THSD4: variants seen among roughly 807,000 people sequenced by gnomAD.
THSD4 encodes the protein thrombospondin type 1 domain containing 4.
THSD4 carries 69 observed loss-of-function variants against 119.0 expected under a neutral mutation model. The observed-to-expected ratio is 0.58, with a 90% CI of 0.48 to 0.71. THSD4 has a LOEUF of 0.71. Among genes scored for constraint, THSD4 ranks in the 30% least tolerant of loss-of-function variants. THSD4 has a pLI of 0.00. For synonymous variants in THSD4, 524 were observed against 540.4 expected, an observed-to-expected ratio of 0.97 and a Z score of 0.42; for missense variants, 1,393 against 1,391.1, an observed-to-expected ratio of 1.00 and a Z score of -0.02.
Position 71,314,409 on chromosome 15 carries a change from C to T in THSD4, c.1015+57694C>T, listed in dbSNP as rs199527115. 7.2e-5 allele frequency among the ~76,000 whole-genome samples: 11 copies of T among 152,166 alleles called. No individual in the cohort carries two copies. In the East Asian group the frequency reaches 7.7e-4, roughly 11 times the overall value. On this transcript the variant is annotated intron_variant, in intron 6 of 17. Transcript: ENST00000261862. Reference sequence around the variant, plus strand: ...GCAACCTCTGACTCCTGGGTCCAAGCGATTCTCCTGCCTCAGCCTCCCAGG... The same window carrying T: ...GCAACCTCTGACTCCTGGGTCCAAGTGATTCTCCTGCCTCAGCCTCCCAGG...
At chr15:71,568,861 A>G (rs909166345) in intron 7 of THSD4, among the ~76,000 whole-genome samples, 2 of 152,092 alleles carry the variant, frequency 1.3e-5, no homozygotes, top group Non-Finnish European at 2.9e-5. Flanking sequence ...TGTCCTTGCT[A>G]TAGTTTGCTG....
In THSD4 at chr15:71,782,166, A is replaced by T. The variant is rs12594531; in HGVS notation, c.*4792A>T. ...CATCACTCTTTCTCAGCTCGACTGG[A>T]GTTTCTGCACCTTTGCAGGGGCAAA... On this transcript the variant is annotated 3_prime_UTR_variant, in exon 18 of 18. Coordinates refer to ENST00000261862, the MANE Select transcript of THSD4 (RefSeq NM_024817.3). The T allele has an allele frequency of 6.6e-6, 1 of 151,872 alleles. No homozygotes were observed. The highest frequency in any genetic ancestry group is 1.5e-5 in the Non-Finnish European group (1 of 68,026). 9.4% of individuals were successfully genotyped at this position (151,872 alleles called of 1,614,324 possible).
At chr15:71,673,750 C>A (rs2051580687) in intron 8 of THSD4, among the ~76,000 whole-genome samples, 1 of 152,172 alleles carries the variant, frequency 6.6e-6, no homozygotes, top group African/African-American at 2.4e-5. Flanking sequence ...GTTATGTACC[C>A]AGTAGTCATT....
intron 5 of THSD4, among the ~76,000 whole-genome samples, chr15:71,247,287 G>A (rs2044213066): frequency 6.6e-6 from 1 of 152,142 alleles, no homozygotes; most frequent in Non-Finnish European, 1.5e-5. Context: ...CAGTGGCGCA[G>A]TCTTTTAAAC....
At chr15:71,337,230 A>T (rs6494906) in intron 6 of THSD4, among the ~76,000 whole-genome samples, 4 of 152,002 alleles carry the variant, frequency 2.6e-5, no homozygotes, top group Admixed American at 6.5e-5. Context: ...TAGTGGCTGC[A>T]GCAGCCAGGC....
intron 8 of THSD4, among the ~76,000 whole-genome samples, chr15:71,703,912 C>T (rs558319466): frequency 9.2e-5 from 14 of 152,144 alleles, no homozygotes; most frequent in African/African-American, 1.7e-4. Context: ...TGCAGTGGCG[C>T]GATCTCTGCT....
At chr15:71,452,085 C>T (rs931174953) in intron 7 of THSD4, among the ~76,000 whole-genome samples, 2 of 152,196 alleles carry the variant, frequency 1.3e-5, no homozygotes, top group African/African-American at 2.4e-5. Context: ...TGCTCACAGG[C>T]TCCCCTGCAT....
At chr15:71,307,824 G>T (rs982854696) in intron 6 of THSD4, among the ~76,000 whole-genome samples, 2 of 152,154 alleles carry the variant, frequency 1.3e-5, no homozygotes, top group African/African-American at 4.8e-5. Context: ...TACAGTGAAA[G>T]GATACAAATA....
chr15:71,736,136 GCT>G (rs144506602), intron 10 of THSD4, among the ~76,000 whole-genome samples: 34,019 of 119,420 alleles, frequency 0.28, 5,078 homozygotes, highest in African/African-American at 0.34. Flanking sequence ...TCTCTCTCTT[GCT>G]CTCTCTCCGT....
chr15:71,308,386 G>A (rs2045062325), intron 6 of THSD4, among the ~76,000 whole-genome samples: 1 of 152,184 alleles, frequency 6.6e-6, no homozygotes, highest in African/African-American at 2.4e-5. Context: ...TCTTCACATT[G>A]ATTCTTTTTC....
chr15:71,757,757 G>A (rs985997960), intron 14 of THSD4, 145 bp from the exon 15 acceptor site: 2 of 958,690 alleles, frequency 2.1e-6, no homozygotes, highest in African/African-American at 3.3e-5. Flanking sequence ...TAATGGAGTA[G>A]GCTATGCACG....
At chr15:71,661,008 A>G (rs1344484013) in intron 8 of THSD4, among the ~76,000 whole-genome samples, 4 of 152,266 alleles carry the variant, frequency 2.6e-5, no homozygotes, top group African/African-American at 4.8e-5. Context: ...TATAAAGTGG[A>G]TAACAGCCCA....
chr15:71,260,225 A>AT (rs1417852136), intron 6 of THSD4, among the ~76,000 whole-genome samples: 2 of 152,096 alleles, frequency 1.3e-5, no homozygotes, highest in East Asian at 1.9e-4. Context: ...TTTTTCTGTT[A>AT]TTTTTTTCCC....
chr15:71,605,903 G>T (rs915180848), intron 7 of THSD4, among the ~76,000 whole-genome samples: 1 of 152,160 alleles, frequency 6.6e-6, no homozygotes, highest in Non-Finnish European at 1.5e-5. Context: ...TGGGGAGGAA[G>T]GCACAGGAGA....
chr15:71,428,017 A>G (rs1318730097), intron 7 of THSD4, among the ~76,000 whole-genome samples: 2 of 152,110 alleles, frequency 1.3e-5, no homozygotes, highest in African/African-American at 4.8e-5. Context: ...CCCCAAAGGG[A>G]ACTTGAAGTG....
In THSD4 at chr15:71,465,037, T is replaced by C. The variant is rs567438074; in HGVS notation, c.1152+53214T>C. Among the ~76,000 whole-genome samples, 135 of 152,276 alleles carry C rather than the reference T, an allele frequency of 8.9e-4. 1 individual carries two copies. Among genetic ancestry groups the C allele is most frequent in the African/African-American group, 2.7e-3 (114 of 41,562 alleles). On this transcript the variant is annotated intron_variant, in intron 7 of 17. Transcript: ENST00000261862. ...GTCTTGTGTATGACCTTTACCTGAG[T>C]TATTTTTTTCTTGGTGAGCGAGTGA...
At chr15:71,613,641 C>T (rs911595138) in intron 7 of THSD4, among the ~76,000 whole-genome samples, 2 of 152,090 alleles carry the variant, frequency 1.3e-5, no homozygotes, top group African/African-American at 4.8e-5. Context: ...CATTTTTTTC[C>T]TCTGCAACTT....
chr15:71,415,868 T>C (rs1349798148), intron 7 of THSD4, among the ~76,000 whole-genome samples: 2 of 152,128 alleles, frequency 1.3e-5, no homozygotes, highest in African/African-American at 2.4e-5. Flanking sequence ...GCAATCTTGG[T>C]TCACTGCAGC....
Position 71,745,169 on chromosome 15 carries a change from A to T in THSD4, c.1970A>T (p.Tyr657Phe), listed in dbSNP as rs777029016. ...RSTHEEAPES[Y>F]CDSSMKPTPE... The stretch of plus-strand genomic sequence containing the variant: ...ACTCATGAAGAGGCTCCTGAGAGTT[A>T]CTGTGACTCCAGCATGAAGCCGACC... Residue 657 changes from tyrosine (Y) to phenylalanine (F), a missense_variant, in exon 12 of 18, where the codon TAC becomes TTC. Physicochemically the swap from Tyr to Phe is conservative, Grantham distance 22. Transcript: ENST00000261862. 21 of 1,612,816 alleles carry T rather than the reference A, an allele frequency of 1.3e-5. No individual in the cohort carries two copies. The Admixed American group carries it at 1.3e-4, about 10-fold the overall frequency.
Sources: allele counts gnomAD v4.1 joint callset (sites outside exome capture counted in the v4.1 genomes callset), GRCh38; gene constraint gnomAD v4.1.1; transcripts MANE v1.5; gene names NCBI Gene and HGNC (gene_info 2026-07-23, HGNC 2026-07-21).